The following MAP2K6 variants were observed in gnomAD, a reference collection of about 807,000 sequenced individuals.
MAP2K6 encodes the protein dual specificity mitogen-activated protein kinase kinase 6.
MAP2K6 carries 16 observed loss-of-function variants against 53.7 expected under a neutral mutation model. That is an observed-to-expected ratio of 0.30 (90% CI 0.20 to 0.45). The LOEUF (loss-of-function observed/expected upper bound fraction) is 0.45, where lower values mean the gene tolerates loss of function less well. MAP2K6 is among the 20% of genes least tolerant of loss of function. The probability of loss-of-function intolerance (pLI) is 1.00; values close to 1 mark genes in which losing one functional copy is unlikely to be tolerated. For synonymous variants in MAP2K6, 132 were observed against 143.1 expected (o/e 0.92, Z 0.55); for missense variants, 204 against 411.9 (o/e 0.50, Z 4.37).
At chr17:69,434,463 ACTCT>A (rs1179075170) in intron 1 of MAP2K6, 3 of 152,140 alleles carry the variant, frequency 2.0e-5, no homozygotes, top group Non-Finnish European at 4.4e-5. Flanking sequence ...AGTGCCTGCC[ACTCT>A]GGAGGTTTTA....
chr17:69,533,981 A>G lies in MAP2K6; in HGVS notation c.882-2134A>G, dbSNP rs188877491. ...AAGCCGCAACAAGGAGGGACCACCT[A>G]TTACACAAAGCACAGCGTTTCTTAA... On this transcript the variant is annotated intron_variant, in intron 10 of 11. Transcript: ENST00000590474. Among the ~76,000 whole-genome samples the G allele has an allele frequency of 3.7e-4, 57 of 152,268 alleles. 2 individuals are homozygous for G. In the East Asian group the frequency reaches 8.1e-3, roughly 22 times the overall value.
chr17:69,440,085 T>TCAC (rs1906769310), intron 1 of MAP2K6, among the ~76,000 whole-genome samples: 1 of 152,112 alleles, frequency 6.6e-6, no homozygotes, highest in African/African-American at 2.4e-5. Context: ...TCTTGCTCTG[T>TCAC]CACCCATGCT....
At chr17:69,493,190 C>G (rs1042416828) in intron 1 of MAP2K6, among the ~76,000 whole-genome samples, 12 of 152,036 alleles carry the variant, frequency 7.9e-5, no homozygotes, top group African/African-American at 2.9e-4. Context: ...GAAGAACTAT[C>G]TAGCCATTGG....
At chr17:69,465,833 G>C (rs1907779289) in intron 1 of MAP2K6, among the ~76,000 whole-genome samples, 1 of 151,178 alleles carries the variant, frequency 6.6e-6, no homozygotes, top group Non-Finnish European at 1.5e-5. Flanking sequence ...TGGCTAGGCT[G>C]GTCTCAAACT....
intron 1 of MAP2K6, among the ~76,000 whole-genome samples, chr17:69,448,911 T>C (rs1490642279): frequency 6.6e-6 from 1 of 152,146 alleles, no homozygotes; most frequent in African/African-American, 2.4e-5. Flanking sequence ...GAGGTGTTAG[T>C]AGGTGTAGGG....
intron 1 of MAP2K6, among the ~76,000 whole-genome samples, chr17:69,476,522 C>T (rs193034838): frequency 4.6e-5 from 7 of 152,326 alleles, no homozygotes; most frequent in Admixed American, 3.3e-4. Context: ...ACACTCATTG[C>T]TGCACCTCCT....
chr17:69,495,904 C>T (rs1908927968), intron 1 of MAP2K6, among the ~76,000 whole-genome samples: 2 of 151,962 alleles, frequency 1.3e-5, no homozygotes, highest in South Asian at 4.1e-4. Flanking sequence ...GTGAAGCAGC[C>T]CATAAATGAG....
intron 1 of MAP2K6, among the ~76,000 whole-genome samples, chr17:69,456,745 T>A (rs1455154481): frequency 3.9e-5 from 6 of 152,190 alleles, no homozygotes; most frequent in Admixed American, 3.9e-4. Flanking sequence ...GTTAATTGCT[T>A]TCTTGTGGGT....
chr17:69,429,594 T>C (rs746531215), intron 1 of MAP2K6, among the ~76,000 whole-genome samples: 1 of 152,236 alleles, frequency 6.6e-6, no homozygotes, highest in African/African-American at 2.4e-5. Context: ...ACTATGTGTA[T>C]ATTTCCTAGA....
At chr17:69,541,604 A>G (rs561544047) in intron 11 of MAP2K6, 72 bp from the exon 12 acceptor site, 13 of 1,151,268 alleles carry the variant, frequency 1.1e-5, no homozygotes, top group Admixed American at 3.6e-5. Flanking sequence ...AAGCAGATCT[A>G]TTCATTTGCT....
intron 1 of MAP2K6, among the ~76,000 whole-genome samples, chr17:69,503,270 T>C (rs1302985779): frequency 6.6e-6 from 1 of 152,226 alleles, no homozygotes; most frequent in Non-Finnish European, 1.5e-5. Flanking sequence ...GAAAGTAACA[T>C]TCCCTGTCTG....
At chr17:69,534,600 A>C (rs1178655232) in intron 10 of MAP2K6, among the ~76,000 whole-genome samples, 1 of 150,518 alleles carries the variant, frequency 6.6e-6, no homozygotes, top group East Asian at 1.9e-4. Context: ...TTTAAACCAC[A>C]GTTTCTCAAA....
Position 69,521,060 on chromosome 17 carries a change from A to C in MAP2K6, c.495A>C (p.Ala165=). Residue 165 remains alanine, a synonymous_variant, in exon 7 of 12, where the codon GCA becomes GCC. Transcript: ENST00000590474. ...LGKIAVSIVK[A]LEHLHSKLSV... Reference sequence around the variant, plus strand: ...TGTTTCTCTTGCAGATTGTAAAAGCATTAGAACATTTACATAGTAAGCTGT... The same window carrying C: ...TGTTTCTCTTGCAGATTGTAAAAGCCTTAGAACATTTACATAGTAAGCTGT... 3.1e-6 allele frequency: 5 copies of C among 1,607,518 alleles called. No individual in the cohort carries two copies. Among genetic ancestry groups the C allele is most frequent in the Non-Finnish European group, 4.2e-6 (5 of 1,176,618 alleles).
At chr17:69,469,596 T>C (rs1470534750) in intron 1 of MAP2K6, among the ~76,000 whole-genome samples, 1 of 151,978 alleles carries the variant, frequency 6.6e-6, no homozygotes, top group Non-Finnish European at 1.5e-5. Flanking sequence ...ACCTGGTTTC[T>C]ACGAAAAATA....
intron 10 of MAP2K6, among the ~76,000 whole-genome samples, chr17:69,528,323 G>C (rs1910891068): frequency 1.3e-5 from 2 of 152,110 alleles, no homozygotes; most frequent in Non-Finnish European, 2.9e-5. Flanking sequence ...CTAGAGAGGG[G>C]CTGGAGCCTC....
chr17:69,458,294 CT>C (rs1205489034), intron 1 of MAP2K6, among the ~76,000 whole-genome samples: 1 of 152,232 alleles, frequency 6.6e-6, no homozygotes, highest in Non-Finnish European at 1.5e-5. Context: ...CTCAAGTGAT[CT>C]GCCTGTCTCG....
chr17:69,526,563 T>C lies in MAP2K6; in HGVS notation c.742-7T>C. 6.2e-7 allele frequency: 1 copy of C among 1,612,856 alleles called. No homozygotes were observed. Among genetic ancestry groups the C allele is most frequent in the Non-Finnish European group, 8.5e-7 (1 of 1,179,798 alleles). On this transcript the variant is annotated splice_polypyrimidine_tract_variant and splice_region_variant and intron_variant, in intron 9 of 11. Coordinates refer to ENST00000590474, the MANE Select transcript of MAP2K6 (RefSeq NM_002758.4). The stretch of plus-strand genomic sequence containing the variant: ...ACTGTTGTCTCCTTTTTTCTTCTTT[T>C]CTCCAGATTGAGTTGGCCATCCTTC...
At chr17:69,449,530 TGTC>T (rs1479902403) in intron 1 of MAP2K6, among the ~76,000 whole-genome samples, 275 of 84,072 alleles carry the variant, frequency 3.3e-3, no homozygotes, top group African/African-American at 0.012. Flanking sequence ...TTTCTTTCTT[TGTC>T]TTTCTTTCTT....
intron 2 of MAP2K6, among the ~76,000 whole-genome samples, 170 bp from the exon 3 acceptor site, chr17:69,516,685 A>G (rs1910161213): frequency 6.6e-6 from 1 of 152,192 alleles, no homozygotes; most frequent in Admixed American, 6.5e-5. Context: ...TTAAACCCAA[A>G]TGTGATTTAT....
Sources: allele counts gnomAD v4.1 joint callset (sites outside exome capture counted in the v4.1 genomes callset), GRCh38; gene constraint gnomAD v4.1.1; transcripts MANE v1.5; gene names NCBI Gene and HGNC (gene_info 2026-07-23, HGNC 2026-07-21).